The following CNTN4 variants were observed in gnomAD, a reference collection of about 807,000 sequenced individuals.
The protein encoded by CNTN4 is contactin-4.
CNTN4 carries 77 observed loss-of-function variants against 122.5 expected under a neutral mutation model. The ratio of observed to expected loss-of-function variants is 0.63; its 90% confidence interval spans 0.52 to 0.76. The LOEUF is 0.76. Ranked by LOEUF, CNTN4 falls within the 30% of genes least tolerant of loss-of-function variation. The probability of loss-of-function intolerance (pLI) is 0.00; values close to 1 mark genes in which losing one functional copy is unlikely to be tolerated. For synonymous variants in CNTN4, 512 were observed against 447.0 expected, an observed-to-expected ratio of 1.15 and a Z score of -1.83; for missense variants, 1,256 against 1,259.1, an observed-to-expected ratio of 1.00 and a Z score of 0.04.
chr3:2,388,418 C>T (rs1038158577), intron 3 of CNTN4, among the ~76,000 whole-genome samples: 5 of 152,168 alleles, frequency 3.3e-5, no homozygotes, highest in Non-Finnish European at 5.9e-5. Context: ...CCACACTGGC[C>T]TCCCTTCCTC....
Position 2,394,784 on chromosome 3 carries a change from GTT to G in CNTN4, c.-89+55572_-89+55573del, listed in dbSNP as rs56027529. Among the ~76,000 whole-genome samples the G allele has an allele frequency of 1.3e-3, 139 of 108,502 alleles. 1 individual carries two copies. Among genetic ancestry groups the G allele is most frequent in the African/African-American group, 2.8e-3 (83 of 29,884 alleles). 71.2% of individuals were successfully genotyped at this position (108,502 alleles called of 152,430 possible). ...CATGTCTACAACAAACCTTATATTA[GTT>G]TTTTTTTTTTTTTTTTTTTTGAGAC... is the stretch of plus-strand genomic sequence containing the variant. On this transcript the variant is annotated intron_variant, in intron 3 of 24. Coordinates refer to ENST00000418658, the MANE Select transcript of CNTN4 (RefSeq NM_175607.3).
chr3:2,806,915 A>T (rs1230583349), intron 6 of CNTN4, among the ~76,000 whole-genome samples: 1 of 151,944 alleles, frequency 6.6e-6, no homozygotes, highest in Non-Finnish European at 1.5e-5. Context: ...CTTCTTTTCA[A>T]ATTTTCATAT....
intron 3 of CNTN4, among the ~76,000 whole-genome samples, chr3:2,413,991 T>C (rs1208609716): frequency 6.6e-6 from 1 of 152,214 alleles, no homozygotes; most frequent in Non-Finnish European, 1.5e-5. Flanking sequence ...CCAGAGTCTA[T>C]ATTGGTGCCA....
chr3:2,304,930 T>C (rs2042650446), intron 2 of CNTN4, among the ~76,000 whole-genome samples: 1 of 151,764 alleles, frequency 6.6e-6, no homozygotes, highest in African/African-American at 2.4e-5. Flanking sequence ...ATTATGCAGT[T>C]ATTTATTTAT....
intron 2 of CNTN4, among the ~76,000 whole-genome samples, chr3:2,265,874 C>G (rs976190547): frequency 1.3e-5 from 2 of 151,822 alleles, no homozygotes; most frequent in African/African-American, 2.4e-5. Flanking sequence ...AGGTTGATCT[C>G]TGCTAGTGTA....
intron 2 of CNTN4, among the ~76,000 whole-genome samples, chr3:2,160,574 T>G (rs1229738318): frequency 6.6e-6 from 1 of 152,168 alleles, no homozygotes; most frequent in African/African-American, 2.4e-5. Flanking sequence ...ATCTAACACC[T>G]AGTAAGCTCT....
rs2075877647 is a variant in CNTN4 at position 2,477,944 on chromosome 3, T to C, written c.-88-93472T>C. Reference sequence around the variant, plus strand: ...ACAAACAGGAGATTTTGCTGAAACATATAATCTATTTTTAAATTACTTTGA... The same window carrying C: ...ACAAACAGGAGATTTTGCTGAAACACATAATCTATTTTTAAATTACTTTGA... On this transcript the variant is annotated intron_variant, in intron 3 of 24. Transcript: ENST00000418658. 2.0e-5 allele frequency among the ~76,000 whole-genome samples: 3 copies of C among 152,182 alleles called. No homozygotes were observed. The South Asian group carries it at 6.2e-4, about 31-fold the overall frequency.
At chr3:2,223,939 A>G (rs887176434) in intron 2 of CNTN4, among the ~76,000 whole-genome samples, 2 of 152,180 alleles carry the variant, frequency 1.3e-5, no homozygotes, top group African/African-American at 4.8e-5. Flanking sequence ...ACAAAGGGAT[A>G]GGAATTTGGG....
chr3:2,651,970 G>C (rs1405638333), intron 4 of CNTN4, among the ~76,000 whole-genome samples: 1 of 151,288 alleles, frequency 6.6e-6, no homozygotes, highest in Non-Finnish European at 1.5e-5. Context: ...GCCTTCCAAA[G>C]TGCTGGGATT....
chr3:2,200,279 A>C (rs2038037808), intron 2 of CNTN4, among the ~76,000 whole-genome samples: 1 of 152,176 alleles, frequency 6.6e-6, no homozygotes, highest in Admixed American at 6.6e-5. Flanking sequence ...GGAGAAGTTA[A>C]GTAAGGGGAG....
At chr3:2,661,511 G>C (rs923138290) in intron 4 of CNTN4, among the ~76,000 whole-genome samples, 1 of 141,162 alleles carries the variant, frequency 7.1e-6, no homozygotes, top group African/African-American at 2.9e-5. Flanking sequence ...AATAATTTTT[G>C]TTTAAAAAAA....
At chr3:2,388,484 C>A (rs1287242971) in intron 3 of CNTN4, among the ~76,000 whole-genome samples, 1 of 152,172 alleles carries the variant, frequency 6.6e-6, no homozygotes, top group Non-Finnish European at 1.5e-5. Context: ...TTATTTCATT[C>A]CTTTGCTTTC....
At chr3:2,770,587 TG>T (rs1195126857) in intron 6 of CNTN4, among the ~76,000 whole-genome samples, 19 of 152,244 alleles carry the variant, frequency 1.2e-4, no homozygotes, top group Admixed American at 1.2e-3. Flanking sequence ...CTTTCTTGCC[TG>T]GCTTCTACAC....
chr3:2,172,701 A>G (rs1290436520), intron 2 of CNTN4, among the ~76,000 whole-genome samples: 1 of 152,226 alleles, frequency 6.6e-6, no homozygotes, highest in Non-Finnish European at 1.5e-5. Flanking sequence ...GTTGATGTCC[A>G]TCAGGACAAC....
In CNTN4 at chr3:2,469,925, A is replaced by C. The variant is rs111379040; in HGVS notation, c.-88-101491A>C. On this transcript the variant is annotated intron_variant, in intron 3 of 24. Transcript: ENST00000418658. ...GAGGCACAAGACTGTATTAGTGTTT[A>C]TATGTGAGATAAAATTGTTGACTAA... 1.4e-3 allele frequency among the ~76,000 whole-genome samples: 206 copies of C among 152,340 alleles called. 2 individuals are homozygous for C. The highest frequency in any genetic ancestry group is 4.8e-3 in the African/African-American group (199 of 41,570).
rs116015149 is a variant in CNTN4 at position 3,010,537 on chromosome 3, A to T, written c.1487-15565A>T. 5.8e-3 allele frequency among the ~76,000 whole-genome samples: 887 copies of T among 152,114 alleles called. 12 individuals are homozygous for T. Among genetic ancestry groups the T allele is most frequent in the African/African-American group, 0.02 (822 of 41,528 alleles). On this transcript the variant is annotated intron_variant, in intron 14 of 24. Transcript: ENST00000418658. Reference sequence around the variant, plus strand: ...AGAAGGTTCCTAGGACTCTAAAAGGATCATTGTGACGAAGAAATGGATAAT... The same window carrying T: ...AGAAGGTTCCTAGGACTCTAAAAGGTTCATTGTGACGAAGAAATGGATAAT...
chr3:3,019,695 T>A (rs1386321684), intron 14 of CNTN4, among the ~76,000 whole-genome samples: 1 of 151,164 alleles, frequency 6.6e-6, no homozygotes, highest in East Asian at 1.9e-4. Context: ...TATATGTGTG[T>A]GTCTGTGTGT....
chr3:2,189,247 G>C (rs907240457), intron 2 of CNTN4, among the ~76,000 whole-genome samples: 3 of 152,148 alleles, frequency 2.0e-5, no homozygotes, highest in Admixed American at 2.0e-4. Flanking sequence ...TGTGATGTGT[G>C]AAGAGAAAAA....
chr3:2,383,685 C>A (rs896138791), intron 3 of CNTN4, among the ~76,000 whole-genome samples: 1 of 149,526 alleles, frequency 6.7e-6, no homozygotes, highest in African/African-American at 2.5e-5. Context: ...CCCTTCCTCT[C>A]CCTATCCTTC....
Sources: gnomAD v4.1 joint callset for allele counts (sites outside exome capture counted in the v4.1 genomes callset) on GRCh38, gnomAD v4.1.1 for gene constraint, MANE v1.5 for transcripts, NCBI Gene and HGNC (gene_info 2026-07-23, HGNC 2026-07-21) for gene names.